MYBPC1: variants seen among roughly 807,000 people sequenced by gnomAD.
MYBPC1 encodes the protein myosin-binding protein C, slow-type.
A neutral mutation model predicts 147.1 loss-of-function variants in MYBPC1; 52 were observed. That is an observed-to-expected ratio of 0.35 (90% CI 0.28 to 0.45). The LOEUF is 0.45. Ranked by LOEUF, MYBPC1 falls within the 20% of genes least tolerant of loss-of-function variation. The pLI is 1.00. For synonymous variants in MYBPC1, 477 were observed against 475.9 expected, an observed-to-expected ratio of 1.00 and a Z score of -0.03; for missense variants, 1,228 against 1,440.3, an observed-to-expected ratio of 0.85 and a Z score of 2.39.
At chr12:101,687,554 G>T (rs564173647), downstream of MYBPC1, among the ~76,000 whole-genome samples, 3 of 152,280 alleles carry the variant, frequency 2.0e-5, no homozygotes, top group South Asian at 6.2e-4. Flanking sequence ...AATCAAGAAA[G>T]CTACGTGCAC....
chr12:101,606,889 A>T (rs1038553762), intron 1 of MYBPC1, among the ~76,000 whole-genome samples: 2 of 151,834 alleles, frequency 1.3e-5, no homozygotes, highest in African/African-American at 4.8e-5. Context: ...CAGTGGTGCA[A>T]TCTTGACTCA....
At chr12:101,596,410 G>C (rs990021022) in intron 1 of MYBPC1, among the ~76,000 whole-genome samples, 1 of 152,196 alleles carries the variant, frequency 6.6e-6, no homozygotes, top group Non-Finnish European at 1.5e-5. Flanking sequence ...AATGATTTAC[G>C]TGTGTACTAA....
intron 3 of MYBPC1, among the ~76,000 whole-genome samples, chr12:101,624,183 C>A (rs1376361947): frequency 6.6e-6 from 1 of 151,738 alleles, no homozygotes; most frequent in Non-Finnish European, 1.5e-5. Context: ...TCTCAAATCC[C>A]ACATGACCCA....
intron 1 of MYBPC1, among the ~76,000 whole-genome samples, chr12:101,604,327 G>T (rs985351216): frequency 6.6e-6 from 1 of 152,180 alleles, no homozygotes; most frequent in Non-Finnish European, 1.5e-5. Flanking sequence ...TAGATTCAGG[G>T]AAATTCCAAA....
rs747590549 is a variant in MYBPC1, at chr12:101,671,497, C to T, written c.2613+1088C>T. 1.5e-4 allele frequency among the ~76,000 whole-genome samples: 23 copies of T among 152,288 alleles called. 1 individual carries two copies. In the Middle Eastern group the frequency reaches 0.01, roughly 68 times the overall value. The stretch of plus-strand genomic sequence containing the variant: ...GGAGAGACATTGTGTACTACATACC[C>T]CCGGCATGAAATCAGAATGAAAGCC... On this transcript the variant is annotated intron_variant, in intron 24 of 31. Transcript: ENST00000361466.
chr12:101,619,514 AGTTGAAT>A (rs1886902878), intron 3 of MYBPC1, among the ~76,000 whole-genome samples: 1 of 152,236 alleles, frequency 6.6e-6, no homozygotes, highest in African/African-American at 2.4e-5. Flanking sequence ...ATGAATGAGC[AGTTGAAT>A]TTCCATGCTG....
chr12:101,646,294 G>GTT (rs963744633), intron 12 of MYBPC1, among the ~76,000 whole-genome samples: 1 of 146,620 alleles, frequency 6.8e-6, no homozygotes, highest in African/African-American at 2.5e-5. Context: ...ATAAAAATTG[G>GTT]TTTTTTTTTT....
intron 22 of MYBPC1, chr12:101,666,622 G>A (rs1309100534): frequency 4.0e-6 from 4 of 997,092 alleles, no homozygotes; most frequent in Non-Finnish European, 6.3e-6. Flanking sequence ...TCACTGCTCT[G>A]AGGACAAATC....
At chr12:101,626,383 T>C (rs538226791) in intron 3 of MYBPC1, among the ~76,000 whole-genome samples, 1 of 152,344 alleles carries the variant, frequency 6.6e-6, no homozygotes, top group African/African-American at 2.4e-5. Flanking sequence ...ATCTTGACTT[T>C]TGTTTCTTAA....
Position 101,609,594 on chromosome 12 carries a change from C to T in MYBPC1, c.26-4902C>T, listed in dbSNP as rs144693586. ...GAATCATGAACCCTACTGCTGCAGACTCCAAGAGTCAGAATCTGCAGTTTG... is the reference window on the plus strand; with the variant it reads ...GAATCATGAACCCTACTGCTGCAGATTCCAAGAGTCAGAATCTGCAGTTTG... On this transcript the variant is annotated intron_variant, in intron 1 of 31. Transcript: ENST00000361466. 6.6e-4 allele frequency among the ~76,000 whole-genome samples: 101 copies of T among 152,260 alleles called. 1 individual carries two copies. The highest frequency in any genetic ancestry group is 1.1e-3 in the Non-Finnish European group (78 of 68,016).
intron 30 of MYBPC1, among the ~76,000 whole-genome samples, chr12:101,683,362 C>T (rs139169234): frequency 4.7e-4 from 71 of 151,784 alleles, no homozygotes; most frequent in African/African-American, 1.7e-3. Context: ...TCTGGAAGGT[C>T]GAGGAGGCTT....
Position 101,647,897 on chromosome 12 carries a change from C to T in MYBPC1, c.1091-148C>T, listed in dbSNP as rs1893561145. 6.1e-6 allele frequency: 4 copies of T among 653,174 alleles called. No homozygotes were observed. The South Asian group carries it at 6.4e-5, about 10-fold the overall frequency. 40.5% of individuals were successfully genotyped at this position (653,174 alleles called of 1,614,324 possible). ...GTGAGACTCTGTCTCAAAACAAGAA[C>T]AAAAACAAAAACCTCACTTACTGTT... On this transcript the variant is annotated intron_variant, in intron 13 of 31. Transcript: ENST00000361466.
rs754106901 is a variant in MYBPC1 at position 101,663,483 on chromosome 12, C to T, written c.2279C>T (p.Thr760Met). 31 of 1,613,954 alleles carry T rather than the reference C, an allele frequency of 1.9e-5. No individual in the cohort carries two copies. The highest frequency in any genetic ancestry group is 9.3e-5 in the African/African-American group (7 of 74,918). Reference sequence around the variant, plus strand: ...GACTCTGTCACTGACACGACTGTCACGATGAGGTGGCGCCCCCCAGACCAC... The same window carrying T: ...GACTCTGTCACTGACACGACTGTCATGATGAGGTGGCGCCCCCCAGACCAC... Reference protein sequence around the residue: ...TVDSVTDTTVTMRWRPPDHIG... With the variant: ...TVDSVTDTTVMMRWRPPDHIG... The change falls in exon 22 of 32, where the codon ACG becomes ATG. Residue 760 changes from threonine (T) to methionine (M), a missense_variant. Around this residue, in one of 2 missense-constraint regions of MYBPC1, gnomAD observed 1,077 missense variants for 1,314.2 expected, o/e 0.82. Transcript: ENST00000361466.
rs568108873 is a variant in MYBPC1 at position 101,648,019 on chromosome 12, T to C, written c.1091-26T>C. ...GGATAGGCTTTGGATATTTAATGATTCTGATTTCCCCTTTTTGTATACTAG... is the reference window on the plus strand; with the variant it reads ...GGATAGGCTTTGGATATTTAATGATCCTGATTTCCCCTTTTTGTATACTAG... On this transcript the variant is annotated intron_variant, in intron 13 of 31. Coordinates refer to ENST00000361466, the MANE Select transcript of MYBPC1 (RefSeq NM_002465.4). 93 of 1,558,652 alleles carry C rather than the reference T, an allele frequency of 6.0e-5. 1 individual carries two copies. The highest frequency in any genetic ancestry group is 1.3e-4 in the Admixed American group (8 of 59,898).
At chr12:101,653,643 G>A (rs1376195555) in intron 18 of MYBPC1, among the ~76,000 whole-genome samples, 1 of 152,132 alleles carries the variant, frequency 6.6e-6, no homozygotes, top group East Asian at 1.9e-4. Context: ...CATAGTCAAT[G>A]GCAGCCTCTG....
chr12:101,648,090 A>G lies in MYBPC1; in HGVS notation c.1136A>G (p.Tyr379Cys). The G allele has an allele frequency of 6.2e-7, 1 of 1,613,186 alleles. No homozygotes were observed. The highest frequency in any genetic ancestry group is 8.5e-7 in the Non-Finnish European group (1 of 1,179,282). The part of the protein sequence containing the change: ...VTKQLEDTTA[Y>C]CGERVELECE... ...AAACAGCTGGAAGATACAACTGCTT[A>G]TTGTGGGGAGAGAGTGGAATTAGAA... is the stretch of plus-strand genomic sequence containing the variant. Residue 379 changes from tyrosine to cysteine, a missense_variant, in exon 14 of 32, where the codon TAT becomes TGT. Physicochemically the swap from Tyr to Cys is radical, Grantham distance 194. Coordinates refer to ENST00000361466, the MANE Select transcript of MYBPC1 (RefSeq NM_002465.4).
chr12:101,615,788 GAGA>G (rs1274988326), intron 2 of MYBPC1, among the ~76,000 whole-genome samples: 1 of 151,616 alleles, frequency 6.6e-6, no homozygotes, highest in Non-Finnish European at 1.5e-5. Context: ...CAGGAGTTTG[GAGA>G]AGGTCTCAGT....
At chr12:101,615,007 A>C (rs1208620636) in intron 2 of MYBPC1, 1 of 215,790 alleles carries the variant, frequency 4.6e-6, no homozygotes, top group Non-Finnish European at 9.3e-6. Context: ...ACTCCCTAGC[A>C]GCTATCCAGA....
chr12:101,690,928 A>T (rs1951402977), downstream of MYBPC1, among the ~76,000 whole-genome samples: 2 of 152,220 alleles, frequency 1.3e-5, no homozygotes, highest in South Asian at 4.1e-4. Context: ...CCAAGCAAGT[A>T]AAGCAAGTAT....
Sources: gnomAD v4.1 joint callset for allele counts (sites outside exome capture counted in the v4.1 genomes callset) on GRCh38, gnomAD v4.1.1 for gene constraint, gnomAD v4.1.1 regional missense constraint, MANE v1.5 for transcripts, NCBI Gene and HGNC (gene_info 2026-07-23, HGNC 2026-07-21) for gene names.